PHYHIP: variants seen among roughly 807,000 people sequenced by gnomAD.
The protein encoded by PHYHIP is phytanoyl-CoA hydroxylase-interacting protein.
In PHYHIP, 7 loss-of-function variants were observed where a neutral mutation model predicts 26.1. That is an observed-to-expected ratio of 0.27 (90% CI 0.15 to 0.50). The LOEUF (loss-of-function observed/expected upper bound fraction) is 0.50. Among genes scored for constraint, PHYHIP ranks in the 20% least tolerant of loss-of-function variants. The probability of loss-of-function intolerance (pLI) is 0.98; values close to 1 mark genes in which losing one functional copy is unlikely to be tolerated. For missense variants in PHYHIP, 232 were observed against 454.7 expected (o/e 0.51, Z 4.45); for synonymous variants, 206 against 183.4 (o/e 1.12, Z -1.00).
intron 3 of PHYHIP, among the ~76,000 whole-genome samples, chr8:22,225,628 C>G (rs1829727516): frequency 8.5e-6 from 1 of 117,424 alleles, no homozygotes; most frequent in African/African-American, 3.3e-5. Context: ...AACCCCATCT[C>G]TACTAAAAAT....
At chr8:22,224,374 G>T in intron 3 of PHYHIP, 31 bp from the exon 4 acceptor site, 1 of 1,318,834 alleles carries the variant, frequency 7.6e-7, no homozygotes, top group South Asian at 1.2e-5. Flanking sequence ...TAGGTGAGCC[G>T]AGGGCCAGCT....
intron 2 of PHYHIP, among the ~76,000 whole-genome samples, chr8:22,227,369 A>T (rs1829769894): frequency 6.6e-6 from 1 of 152,210 alleles, no homozygotes; most frequent in African/African-American, 2.4e-5. Context: ...AATGCTGAGA[A>T]GCCAGGGAGG....
chr8:22,224,198 G>A (rs757816615), intron 4 of PHYHIP, 28 bp downstream of exon 4: 40 of 1,343,440 alleles, frequency 3.0e-5, no homozygotes, highest in South Asian at 4.7e-5. Flanking sequence ...GAGGCCCGGC[G>A]GGTCCAGCCG....
intron 4 of PHYHIP, chr8:22,223,935 T>G (rs1829688825): frequency 3.8e-5 from 12 of 318,786 alleles, no homozygotes; most frequent in South Asian, 3.8e-4. Flanking sequence ...TAGACCCCTG[T>G]GAAAGGAACT....
At chr8:22,225,320 A>G (rs1829720568) in intron 3 of PHYHIP, among the ~76,000 whole-genome samples, 1 of 152,076 alleles carries the variant, frequency 6.6e-6, no homozygotes, top group African/African-American at 2.4e-5. Flanking sequence ...ACAAAAAAAT[A>G]TCAAAAATTA....
chr8:22,230,416 C>T lies in PHYHIP; in HGVS notation c.-30+1380G>A, dbSNP rs942070817. 2.0e-5 allele frequency among the ~76,000 whole-genome samples: 3 copies of T among 152,226 alleles called. No homozygotes were observed. In the East Asian group the frequency reaches 5.8e-4, roughly 29 times the overall value. Reference sequence around the variant, plus strand: ...TGGGTGTCTGCTTGTCCCTCCCTCCCTACGGTTCTGGGAAAGCTGAGATGA... The same window carrying T: ...TGGGTGTCTGCTTGTCCCTCCCTCCTTACGGTTCTGGGAAAGCTGAGATGA... On this transcript the variant is annotated intron_variant, in intron 1 of 4. Transcript: ENST00000454243.
chr8:22,221,212 T>G lies in PHYHIP; in HGVS notation c.*141A>C. 3 of 784,704 alleles carry G rather than the reference T, an allele frequency of 3.8e-6. No homozygotes were observed. Among genetic ancestry groups the G allele is most frequent in the Non-Finnish European group, 3.9e-6 (2 of 512,236 alleles). 48.6% of individuals were successfully genotyped at this position (784,704 alleles called of 1,614,324 possible). On this transcript the variant is annotated 3_prime_UTR_variant, in exon 5 of 5. Transcript: ENST00000454243. This position sits in a 1 kb window ranked among gnomAD's most constrained non-coding sequence, Gnocchi z 7.9. ...GAGGACCACCGTCTGTTGCCTCCAA[T>G]GCCAAGGGGCGAGGGGAGGGCAGCT...
At position 22,228,361 on chromosome 8, in the gene PHYHIP, C is replaced by T. The variant is rs547045505; in HGVS notation, c.-4G>A. On this transcript the variant is annotated 5_prime_UTR_variant, in exon 2 of 5. Coordinates refer to ENST00000454243, the MANE Select transcript of PHYHIP (RefSeq NM_014759.5). ...GGGGCGTGGACAGCAGCTCCATGCTCCCGTCAGGGTTGTCTCCTGTGGGGA... is the reference window on the plus strand; with the variant it reads ...GGGGCGTGGACAGCAGCTCCATGCTTCCGTCAGGGTTGTCTCCTGTGGGGA... 66 of 1,583,552 alleles carry T rather than the reference C, an allele frequency of 4.2e-5. No homozygotes were observed. Among genetic ancestry groups the T allele is most frequent in the South Asian group, 1.3e-4 (11 of 87,406 alleles).
At chr8:22,227,696 G>A (rs765808042) in intron 2 of PHYHIP, 5 of 456,486 alleles carry the variant, frequency 1.1e-5, no homozygotes, top group South Asian at 6.2e-5. Context: ...CAAATGGCAG[G>A]CCAGCAGGTG....
intron 3 of PHYHIP, 22 bp downstream of exon 3, chr8:22,226,829 G>A (rs941741133): frequency 1.9e-6 from 3 of 1,600,416 alleles, no homozygotes; most frequent in Non-Finnish European, 2.6e-6. Flanking sequence ...AGCAGGACAG[G>A]GGTGTGATAG....
rs1829611202 is a variant in PHYHIP at position 22,221,060 on chromosome 8, A to G, written c.*293T>C. 3 of 379,182 alleles carry G rather than the reference A, an allele frequency of 7.9e-6. No homozygotes were observed. Among genetic ancestry groups the G allele is most frequent in the Non-Finnish European group, 1.4e-5 (3 of 209,350 alleles). The allele number at this position is 379,182 out of a possible 1,614,324, so 23.5% of individuals were successfully genotyped here. A position where few individuals can be genotyped will look rare whatever the true frequency, so the allele number is the denominator to read the frequency against. Reference sequence around the variant, plus strand: ...TGGGAGATAGAGACCTGGACGAGGCAAAGAACAGTAGGACAAGGAAACCAG... The same window carrying G: ...TGGGAGATAGAGACCTGGACGAGGCGAAGAACAGTAGGACAAGGAAACCAG... On this transcript the variant is annotated 3_prime_UTR_variant, in exon 5 of 5. Coordinates refer to ENST00000454243, the MANE Select transcript of PHYHIP (RefSeq NM_014759.5). This position sits in a 1 kb window ranked among gnomAD's most constrained non-coding sequence, Gnocchi z 7.9.
chr8:22,221,541 C>A lies in PHYHIP; in HGVS notation c.805G>T (p.Val269Leu), dbSNP rs756175019. The A allele has an allele frequency of 1.1e-5, 17 of 1,614,112 alleles. No individual in the cohort carries two copies. In the South Asian group the frequency reaches 1.5e-4, roughly 15 times the overall value. ...IACNKFLTCS[V>L]EDGELVFRHA... ...CGGAAGACCAGCTCCCCATCCTCCACGCTGCAGGTCAGGAACTTGTTGCAA... is the reference window on the plus strand; with the variant it reads ...CGGAAGACCAGCTCCCCATCCTCCAAGCTGCAGGTCAGGAACTTGTTGCAA... Residue 269 changes from valine (V) to leucine (L), a missense_variant, in exon 5 of 5, where the codon GTG (valine) becomes TTG (leucine). Coordinates refer to ENST00000454243, the MANE Select transcript of PHYHIP (RefSeq NM_014759.5). The surrounding 1 kb of genome is among the most constrained non-coding windows in gnomAD (Gnocchi z 7.9).
chr8:22,226,759 G>A, intron 3 of PHYHIP, 92 bp downstream of exon 3: 1 of 1,211,602 alleles, frequency 8.3e-7, no homozygotes, highest in Non-Finnish European at 1.2e-6. Context: ...GTGTTCATCA[G>A]TGTTTGCTGG....
chr8:22,221,404 A>G lies in PHYHIP; in HGVS notation c.942T>C (p.Asp314=), dbSNP rs1178178208. The part of the protein sequence containing the change: ...GHQLMSLSTA[D]AKKDPSCKTC... The stretch of plus-strand genomic sequence containing the variant: ...TCTTGCAGCTGGGGTCCTTCTTGGC[A>G]TCGGCAGTAGACAGACTCATGAGCT... Residue 314 remains aspartate (D), a synonymous_variant, in exon 5 of 5, where the codon GAT becomes GAC. Coordinates refer to ENST00000454243, the MANE Select transcript of PHYHIP (RefSeq NM_014759.5). The surrounding 1 kb of genome is among the most constrained non-coding windows in gnomAD (Gnocchi z 7.9). 3.1e-6 allele frequency: 5 copies of G among 1,609,652 alleles called. No individual in the cohort carries two copies. Among genetic ancestry groups the G allele is most frequent in the Non-Finnish European group, 4.2e-6 (5 of 1,176,674 alleles).
chr8:22,228,226 C>T lies in PHYHIP; in HGVS notation c.132G>A (p.Lys44=). The T allele has an allele frequency of 6.2e-7, 1 of 1,614,048 alleles. No individual in the cohort carries two copies. Among genetic ancestry groups the T allele is most frequent in the Non-Finnish European group, 8.5e-7 (1 of 1,179,990 alleles). The change falls in exon 2 of 5, where the codon AAG becomes AAA. Residue 44 remains lysine (K), a synonymous_variant. Coordinates refer to ENST00000454243, the MANE Select transcript of PHYHIP (RefSeq NM_014759.5). ...VTHYFIDLNK[K]ENKNSNKFKH... The stretch of plus-strand genomic sequence containing the variant: ...TGAACTTGTTGGAATTCTTATTCTC[C>T]TTCTTGTTAAGGTCAATGAAGTAAT...
chr8:22,230,686 C>T (rs963395635), intron 1 of PHYHIP, among the ~76,000 whole-genome samples: 5 of 152,190 alleles, frequency 3.3e-5, no homozygotes, highest in Non-Finnish European at 7.3e-5. Context: ...CCCACCCACC[C>T]GCGTCCCACA....
intron 3 of PHYHIP, among the ~76,000 whole-genome samples, chr8:22,226,453 C>CT (rs1444381150): frequency 6.6e-6 from 1 of 152,138 alleles, no homozygotes; most frequent in Non-Finnish European, 1.5e-5. Flanking sequence ...TGGAGACTGG[C>CT]TGTACAACAA....
At chr8:22,227,498 G>C (rs1829773020) in intron 2 of PHYHIP, 2 of 397,974 alleles carry the variant, frequency 5.0e-6, no homozygotes, top group African/African-American at 2.1e-5. Context: ...CGGTTCCAGA[G>C]AAAGAGAGCG....
At chr8:22,228,070 A>G (rs990295110) in intron 2 of PHYHIP, 123 bp downstream of exon 2, 2 of 789,620 alleles carry the variant, frequency 2.5e-6, no homozygotes, top group Non-Finnish European at 4.2e-6. Context: ...AAAATGACAC[A>G]GGAAGAAGAG....
Sources: gnomAD v4.1 joint callset for allele counts (sites outside exome capture counted in the v4.1 genomes callset) on GRCh38, gnomAD v4.1.1 for gene constraint, Gnocchi (gnomAD v3.1) non-coding constraint, MANE v1.5 for transcripts, NCBI Gene and HGNC (gene_info 2026-07-23, HGNC 2026-07-21) for gene names.